Variants in CSMD1 observed in about 807,000 individuals in gnomAD.
CSMD1 encodes the protein CUB and sushi domain-containing protein 1.
Under a neutral mutation model 417.5 loss-of-function variants are expected in CSMD1, and 213 were observed. The observed-to-expected ratio is 0.51, with a 90% CI of 0.46 to 0.57. The LOEUF (loss-of-function observed/expected upper bound fraction) is 0.57. CSMD1 is among the 20% of genes least tolerant of loss of function. CSMD1 has a pLI of 0.00. For synonymous variants in CSMD1, 2,862 were observed against 1,736.8 expected (o/e 1.65, Z -16.11); for missense variants, 6,923 against 4,529.7 (o/e 1.53, Z -15.17).
At chr8:4,966,357 C>T (rs1809857268) in intron 1 of CSMD1, among the ~76,000 whole-genome samples, 1 of 152,050 alleles carries the variant, frequency 6.6e-6, no homozygotes, top group African/African-American at 2.4e-5. Context: ...CCAGCCTGGG[C>T]AACAAGAGTG....
chr8:4,288,429 A>C (rs1232252429), intron 3 of CSMD1, among the ~76,000 whole-genome samples: 1 of 152,178 alleles, frequency 6.6e-6, no homozygotes, highest in African/African-American at 2.4e-5. Context: ...CAAACTCAGG[A>C]AATTCAATTC....
intron 5 of CSMD1, among the ~76,000 whole-genome samples, chr8:3,841,201 C>T (rs1271686735): frequency 6.6e-6 from 1 of 152,074 alleles, no homozygotes; most frequent in East Asian, 1.9e-4. Flanking sequence ...AAAGGAATTC[C>T]ATACAATTTC....
chr8:3,975,341 T>G (rs554544656), intron 5 of CSMD1, among the ~76,000 whole-genome samples: 4 of 152,344 alleles, frequency 2.6e-5, no homozygotes, highest in African/African-American at 9.6e-5. Flanking sequence ...TTTGTGGACA[T>G]GAACTGCAAT....
At chr8:4,173,647 C>G (rs1202029180) in intron 3 of CSMD1, among the ~76,000 whole-genome samples, 1 of 152,074 alleles carries the variant, frequency 6.6e-6, no homozygotes, top group Non-Finnish European at 1.5e-5. Flanking sequence ...CTGAATGCCA[C>G]TTTTCAGACC....
At chr8:4,494,861 C>A (rs78556227) in intron 2 of CSMD1, among the ~76,000 whole-genome samples, 1 of 151,784 alleles carries the variant, frequency 6.6e-6, no homozygotes, top group Non-Finnish European at 1.5e-5. Flanking sequence ...AGCAATTCTA[C>A]CTGAAACATG....
At chr8:3,473,270 C>T (rs991486490) in intron 11 of CSMD1, among the ~76,000 whole-genome samples, 2 of 152,074 alleles carry the variant, frequency 1.3e-5, no homozygotes, top group African/African-American at 4.8e-5. Context: ...ACACAAAGTT[C>T]TTCAATCAAA....
At chr8:4,957,755 A>C (rs1233045890) in intron 1 of CSMD1, among the ~76,000 whole-genome samples, 1 of 152,086 alleles carries the variant, frequency 6.6e-6, no homozygotes, top group Non-Finnish European at 1.5e-5. Context: ...ATAAGGACTC[A>C]CCATGCTTAA....
At chr8:4,558,901 A>G (rs1027610776) in intron 2 of CSMD1, among the ~76,000 whole-genome samples, 2 of 143,120 alleles carry the variant, frequency 1.4e-5, no homozygotes, top group South Asian at 2.4e-4. Flanking sequence ...AATCAAAACA[A>G]AACAAAAAAT....
At chr8:4,464,419 GC>G (rs1563203875) in intron 2 of CSMD1, among the ~76,000 whole-genome samples, 1 of 152,134 alleles carries the variant, frequency 6.6e-6, no homozygotes, top group Non-Finnish European at 1.5e-5. Context: ...GCTTAGCCTT[GC>G]CTACCTTAAA....
intron 3 of CSMD1, among the ~76,000 whole-genome samples, chr8:4,072,219 C>G (rs972308288): frequency 1.3e-5 from 2 of 152,130 alleles, no homozygotes; most frequent in South Asian, 2.1e-4. Flanking sequence ...TATATTTCAT[C>G]CACAGTTGCA....
At chr8:4,326,544 G>A (rs1044657604) in intron 3 of CSMD1, among the ~76,000 whole-genome samples, 1 of 152,120 alleles carries the variant, frequency 6.6e-6, no homozygotes, top group Non-Finnish European at 1.5e-5. Context: ...AATCAAAGGT[G>A]GGCATAAAGG....
At chr8:4,095,832 G>A (rs1265045961) in intron 3 of CSMD1, among the ~76,000 whole-genome samples, 1 of 152,012 alleles carries the variant, frequency 6.6e-6, no homozygotes, top group Non-Finnish European at 1.5e-5. Context: ...TTTTTGCATT[G>A]GAATGTATTT....
chr8:2,990,032 A>T (rs1806240183), intron 54 of CSMD1, among the ~76,000 whole-genome samples: 1 of 152,238 alleles, frequency 6.6e-6, no homozygotes, highest in African/African-American at 2.4e-5. Flanking sequence ...GTTCTGATAC[A>T]CCTAAGACGT....
At chr8:4,239,559 C>T (rs1340079230) in intron 3 of CSMD1, among the ~76,000 whole-genome samples, 1 of 152,160 alleles carries the variant, frequency 6.6e-6, no homozygotes, top group Non-Finnish European at 1.5e-5. Context: ...TGTTATGTGC[C>T]ACCCCATAAC....
At chr8:4,542,293 A>G (rs1000011115) in intron 2 of CSMD1, among the ~76,000 whole-genome samples, 3 of 152,188 alleles carry the variant, frequency 2.0e-5, no homozygotes, top group African/African-American at 7.2e-5. Flanking sequence ...AACAAAACCC[A>G]TGAATATGTT....
At chr8:4,363,744 A>G (rs1367927771) in intron 3 of CSMD1, among the ~76,000 whole-genome samples, 4 of 152,312 alleles carry the variant, frequency 2.6e-5, no homozygotes, top group Non-Finnish European at 5.9e-5. Flanking sequence ...TGCAAAAGAC[A>G]GGATCTCATT....
intron 25 of CSMD1, among the ~76,000 whole-genome samples, chr8:3,294,638 C>T (rs1803828106): frequency 6.6e-6 from 1 of 152,164 alleles, no homozygotes; most frequent in Admixed American, 6.5e-5. Context: ...GATATAATCT[C>T]CTGGTGTGCC....
intron 10 of CSMD1, among the ~76,000 whole-genome samples, chr8:3,505,482 G>T (rs1796786341): frequency 6.6e-6 from 1 of 152,156 alleles, no homozygotes; most frequent in Non-Finnish European, 1.5e-5. Flanking sequence ...AGTTGAGAAG[G>T]AAGATAAAAG....
At chr8:4,425,003 T>A (rs1327610114) in intron 2 of CSMD1, among the ~76,000 whole-genome samples, 2 of 152,106 alleles carry the variant, frequency 1.3e-5, no homozygotes, top group African/African-American at 4.8e-5. Flanking sequence ...TGCTATTTAA[T>A]AACAAAACAT....
Sources: allele counts gnomAD v4.1 joint callset (sites outside exome capture counted in the v4.1 genomes callset), GRCh38; gene constraint gnomAD v4.1.1; transcripts MANE v1.5; gene names NCBI Gene and HGNC (gene_info 2026-07-23, HGNC 2026-07-21).